The following ACP3 variants were observed in gnomAD, a reference collection of about 807,000 sequenced individuals.
The protein encoded by ACP3 is acid phosphatase 3.
A neutral mutation model predicts 45.6 loss-of-function variants in ACP3; 38 were observed. The ratio of observed to expected loss-of-function variants is 0.83; its 90% CI spans 0.64 to 1.09. ACP3 has a LOEUF of 1.09. ACP3 is among the 50% of genes least tolerant of loss of function. The pLI, the probability that ACP3 is intolerant of heterozygous loss-of-function variation, is 0.00. For synonymous variants in ACP3, 162 were observed against 164.7 expected, an observed-to-expected ratio of 0.98 and a Z score of 0.13; for missense variants, 466 against 463.2, an observed-to-expected ratio of 1.01 and a Z score of -0.05.
At chr3:132,325,462 C>T (rs1472403075) in intron 1 of ACP3, among the ~76,000 whole-genome samples, 1 of 152,170 alleles carries the variant, frequency 6.6e-6, no homozygotes, top group African/African-American at 2.4e-5. Flanking sequence ...AAGGTGACCA[C>T]ACTTGTTTTT....
Position 132,332,685 on chromosome 3 carries a change from G to A in ACP3, c.456+341G>A, listed in dbSNP as rs574327647. The A allele has an allele frequency of 1.4e-5, 3 of 209,490 alleles. No individual in the cohort carries two copies. The South Asian group carries it at 3.1e-4, about 22-fold the overall frequency. 13.0% of individuals were successfully genotyped at this position (209,490 alleles called of 1,614,324 possible). A position where few individuals can be genotyped will look rare whatever the true frequency, so the allele number is the denominator to read the frequency against. On this transcript the variant is annotated intron_variant, in intron 4 of 9. Transcript: ENST00000336375. ...CTGCCTTAATTCCCAGGCTTTTGGTGCCCCAAACAGGTTTCTCCACTCTCC... is the reference window on the plus strand; with the variant it reads ...CTGCCTTAATTCCCAGGCTTTTGGTACCCCAAACAGGTTTCTCCACTCTCC...
intron 1 of ACP3, among the ~76,000 whole-genome samples, chr3:132,322,001 G>A (rs1399082647): frequency 1.3e-5 from 2 of 152,170 alleles, no homozygotes; most frequent in Non-Finnish European, 2.9e-5. Flanking sequence ...GCTCCTGGAT[G>A]AGAAATAATG....
rs995274141 is a variant in ACP3 at position 132,332,077 on chromosome 3, G to A, written c.304-115G>A. 78 of 1,161,456 alleles carry A rather than the reference G, an allele frequency of 6.7e-5. No individual in the cohort carries two copies. In the Admixed American group the frequency reaches 1.5e-3, roughly 22 times the overall value. The allele number at this position is 1,161,456 out of a possible 1,614,324, so 71.9% of individuals were successfully genotyped here. A position where few individuals can be genotyped will look rare whatever the true frequency, so the allele number is the denominator to read the frequency against. The stretch of plus-strand genomic sequence containing the variant: ...ATTATGATTCTGATGTTAGCACAAT[G>A]TCTGTAATATTTCACTGTGGGTGTC... On this transcript the variant is annotated intron_variant, in intron 3 of 9. Coordinates refer to ENST00000336375, the MANE Select transcript of ACP3 (RefSeq NM_001099.5).
chr3:132,364,499 C>T (rs1243718633), intron 10 of ACP3, among the ~76,000 whole-genome samples: 1 of 152,246 alleles, frequency 6.6e-6, no homozygotes, highest in Non-Finnish European at 1.5e-5. Context: ...CAAAGTCTTA[C>T]TCACCTTGCA....
intron 5 of ACP3, among the ~76,000 whole-genome samples, chr3:132,340,385 A>C (rs1937540308): frequency 6.6e-6 from 1 of 152,050 alleles, no homozygotes; most frequent in South Asian, 2.1e-4. Context: ...TTTTAAAAAA[A>C]AGTTTGTCTA....
intron 4 of ACP3, among the ~76,000 whole-genome samples, chr3:132,335,471 C>T (rs1036390247): frequency 6.6e-6 from 1 of 152,196 alleles, no homozygotes; most frequent in Non-Finnish European, 1.5e-5. Flanking sequence ...TGAGTAGCTA[C>T]TAATATGCCA....
At chr3:132,347,854 C>G (rs1230640168) in intron 7 of ACP3, among the ~76,000 whole-genome samples, 1 of 151,246 alleles carries the variant, frequency 6.6e-6, no homozygotes, top group East Asian at 1.9e-4. Context: ...TACACACACA[C>G]ACACACACAC....
intron 7 of ACP3, among the ~76,000 whole-genome samples, chr3:132,348,999 T>TCTCACACACACACACACACACACACACA (rs1937655347): frequency 1.4e-5 from 2 of 146,836 alleles, no homozygotes; most frequent in Non-Finnish European, 3.0e-5. Context: ...TCATTACAAC[T>TCTCACACACACACACACACACACACACA]CACACACACA....
At chr3:132,353,363 C>T (rs1376033458) in intron 9 of ACP3, among the ~76,000 whole-genome samples, 2 of 152,106 alleles carry the variant, frequency 1.3e-5, no homozygotes, top group African/African-American at 4.8e-5. Context: ...CCAGAATTGA[C>T]CCATGAAATC....
intron 9 of ACP3, among the ~76,000 whole-genome samples, 171 bp from the exon 10 acceptor site, chr3:132,356,515 C>G (rs73215936): frequency 0.12 from 18,937 of 152,172 alleles, 1,402 homozygotes; most frequent in Non-Finnish European, 0.18. Context: ...CTGCAAATCT[C>G]TCCCGCCTGC....
At chr3:132,328,505 C>T (rs1013118699) in intron 2 of ACP3, 143 bp downstream of exon 2, 1 of 534,948 alleles carries the variant, frequency 1.9e-6, no homozygotes, top group South Asian at 2.1e-5. Context: ...GTGGTGAAAC[C>T]CTCTCTCTAC....
intron 10 of ACP3, among the ~76,000 whole-genome samples, chr3:132,366,118 T>C (rs1038063050): frequency 6.6e-6 from 1 of 151,734 alleles, no homozygotes; most frequent in Non-Finnish European, 1.5e-5. Context: ...CCGGGCAACA[T>C]GACAAAACCC....
intron 9 of ACP3, among the ~76,000 whole-genome samples, chr3:132,355,048 A>C (rs773544981): frequency 1.3e-5 from 2 of 152,246 alleles, no homozygotes; most frequent in Non-Finnish European, 2.9e-5. Context: ...GCAGGTGTAC[A>C]TTAATAGATG....
chr3:132,355,496 T>TTTATTTTATC (rs1277173840), intron 9 of ACP3, among the ~76,000 whole-genome samples: 218 of 150,608 alleles, frequency 1.4e-3, no homozygotes, highest in African/African-American at 5.0e-3. Flanking sequence ...CTTATTTTAT[T>TTTATTTTATC]TTATTTTATT....
chr3:132,332,608 T>C, intron 4 of ACP3: 1 of 411,824 alleles, frequency 2.4e-6, no homozygotes, highest in Non-Finnish European at 4.5e-6. Flanking sequence ...CTCATCGTCA[T>C]ACACAGAGAG....
downstream of ACP3, among the ~76,000 whole-genome samples, chr3:132,362,520 C>A (rs1469808975): frequency 6.6e-6 from 1 of 152,112 alleles, no homozygotes; most frequent in Admixed American, 6.5e-5. Flanking sequence ...GGCTTGCAGA[C>A]CTTATGGAGA....
exon 11 of ACP3, chr3:132,367,742 T>G: frequency 6.2e-7 from 1 of 1,613,898 alleles, no homozygotes; most frequent in Non-Finnish European, 8.5e-7. Flanking sequence ...TTGCCTGATA[T>G]CTGCTGTCCT....
At chr3:132,328,673 C>G (rs1358341833) in intron 2 of ACP3, among the ~76,000 whole-genome samples, 1 of 105,728 alleles carries the variant, frequency 9.5e-6, no homozygotes, top group Non-Finnish European at 1.8e-5. Flanking sequence ...GAGTAAAACT[C>G]TATCTCAAAA....
intron 7 of ACP3, among the ~76,000 whole-genome samples, chr3:132,347,107 A>G (rs1937618789): frequency 6.6e-6 from 1 of 152,178 alleles, no homozygotes; most frequent in Non-Finnish European, 1.5e-5. Flanking sequence ...ACCTATGAGG[A>G]GATTAAACTA....
Sources: allele counts gnomAD v4.1 joint callset (sites outside exome capture counted in the v4.1 genomes callset), GRCh38; gene constraint gnomAD v4.1.1; transcripts MANE v1.5; gene names NCBI Gene and HGNC (gene_info 2026-07-23, HGNC 2026-07-21).